The following EXOC6B variants were observed in gnomAD, a reference collection of about 807,000 sequenced individuals.
EXOC6B encodes the protein SEC15 homolog B.
A neutral mutation model predicts 113.5 loss-of-function variants in EXOC6B; 54 were observed. The observed-to-expected ratio is 0.48, with a 90% CI of 0.38 to 0.60. The LOEUF (loss-of-function observed/expected upper bound fraction) is 0.60, where lower values mean the gene tolerates loss of function less well. Ranked by LOEUF, EXOC6B falls within the 20% of genes least tolerant of loss-of-function variation. The probability of loss-of-function intolerance (pLI) is 0.00; values close to 1 mark genes in which losing one functional copy is unlikely to be tolerated. For synonymous variants in EXOC6B, 357 were observed against 339.0 expected (o/e 1.05, Z -0.58); for missense variants, 797 against 977.5 (o/e 0.82, Z 2.46).
At chr2:72,505,578 A>T (rs1221955230) in intron 11 of EXOC6B, among the ~76,000 whole-genome samples, 2 of 152,186 alleles carry the variant, frequency 1.3e-5, no homozygotes, top group African/African-American at 4.8e-5. Context: ...TCTTCCCTAT[A>T]ATAAAACTAT....
chr2:72,414,451 G>GA (rs138862283), intron 18 of EXOC6B, among the ~76,000 whole-genome samples: 2,963 of 151,182 alleles, frequency 0.02, 87 homozygotes, highest in African/African-American at 0.065. Context: ...ATCCACAACG[G>GA]AAAAAAAAAT....
intron 1 of EXOC6B, among the ~76,000 whole-genome samples, chr2:72,824,860 A>AGT (rs991753842): frequency 3.3e-5 from 5 of 152,166 alleles, no homozygotes; most frequent in African/African-American, 1.2e-4. Context: ...GAGGCAAAAC[A>AGT]GTGGTTAAGT....
intron 6 of EXOC6B, among the ~76,000 whole-genome samples, chr2:72,686,459 T>C (rs1281598615): frequency 6.6e-6 from 1 of 152,214 alleles, no homozygotes; most frequent in Admixed American, 6.5e-5. Flanking sequence ...TCTTAGAATG[T>C]ACAATTATTA....
At chr2:72,320,792 CT>C (rs1687803809) in intron 20 of EXOC6B, among the ~76,000 whole-genome samples, 1 of 152,044 alleles carries the variant, frequency 6.6e-6, no homozygotes, top group African/African-American at 2.4e-5. Flanking sequence ...AGGAAATGGC[CT>C]GTTGACCAGA....
chr2:72,243,685 A>G lies in EXOC6B; in HGVS notation c.2197-59498T>C, dbSNP rs149560322. Among the ~76,000 whole-genome samples, 1,495 of 152,320 alleles carry G rather than the reference A, an allele frequency of 9.8e-3. 26 individuals are homozygous for G. The highest frequency in any genetic ancestry group is 0.033 in the African/African-American group (1,375 of 41,552). ...TGCAGCACACCAACATGGCACATGT[A>G]TGCCTATGTAACAAACCTGCACATT... On this transcript the variant is annotated intron_variant, in intron 20 of 21. Transcript: ENST00000272427.
intron 6 of EXOC6B, among the ~76,000 whole-genome samples, chr2:72,694,056 G>A (rs1459452271): frequency 6.6e-6 from 1 of 151,796 alleles, no homozygotes; most frequent in Non-Finnish European, 1.5e-5. Flanking sequence ...TGATATAAAT[G>A]CATATTTCTT....
chr2:72,355,553 G>A (rs755499608), intron 19 of EXOC6B, among the ~76,000 whole-genome samples: 40 of 152,150 alleles, frequency 2.6e-4, no homozygotes, highest in Admixed American at 5.9e-4. Context: ...ATGATCTTAA[G>A]CAATAACAAC....
intron 5 of EXOC6B, among the ~76,000 whole-genome samples, chr2:72,722,285 C>T (rs1227267612): frequency 6.6e-6 from 1 of 151,896 alleles, no homozygotes; most frequent in Non-Finnish European, 1.5e-5. Context: ...TCCATGTTTC[C>T]CATGATATAT....
chr2:72,702,032 T>A (rs1678390312), intron 6 of EXOC6B, among the ~76,000 whole-genome samples: 1 of 151,782 alleles, frequency 6.6e-6, no homozygotes, highest in African/African-American at 2.4e-5. Context: ...TAACTCGTCA[T>A]CTAGTATTAG....
chr2:72,433,913 T>C (rs2105307612), intron 18 of EXOC6B, among the ~76,000 whole-genome samples: 1 of 152,332 alleles, frequency 6.6e-6, no homozygotes, highest in East Asian at 1.9e-4. Flanking sequence ...CCTGCCTGAT[T>C]GCCCTGGCGA....
chr2:72,320,887 A>G (rs1687809747), intron 20 of EXOC6B, among the ~76,000 whole-genome samples: 1 of 152,224 alleles, frequency 6.6e-6, no homozygotes, highest in African/African-American at 2.4e-5. Context: ...TTAAACACAA[A>G]AGAAGAGATA....
At chr2:72,386,652 T>G (rs1337185371) in intron 18 of EXOC6B, among the ~76,000 whole-genome samples, 1 of 152,186 alleles carries the variant, frequency 6.6e-6, no homozygotes, top group Non-Finnish European at 1.5e-5. Flanking sequence ...CCTTGGCAGC[T>G]TTCATGTGTT....
chr2:72,179,711 C>A (rs1677966298), intron 21 of EXOC6B, among the ~76,000 whole-genome samples: 1 of 152,088 alleles, frequency 6.6e-6, no homozygotes, highest in African/African-American at 2.4e-5. Context: ...GTCAATCTCC[C>A]TACCCCTTAT....
At position 72,728,257 on chromosome 2, in the gene EXOC6B, C is replaced by T. The variant is rs55922015; in HGVS notation, c.464+2750G>A. 4.5e-3 allele frequency among the ~76,000 whole-genome samples: 689 copies of T among 152,258 alleles called. 12 individuals are homozygous for T. Among genetic ancestry groups the T allele is most frequent in the African/African-American group, 0.016 (646 of 41,546 alleles). ...CAACAGAATTGGCATCACCTAGGAA[C>T]GTGGCAGAAAATGCAGAATCTCAGA... On this transcript the variant is annotated intron_variant, in intron 5 of 21. Coordinates refer to ENST00000272427, the MANE Select transcript of EXOC6B (RefSeq NM_015189.3).
chr2:72,663,972 T>C lies in EXOC6B; in HGVS notation c.669+54131A>G, dbSNP rs968098477. Among the ~76,000 whole-genome samples the C allele has an allele frequency of 3.9e-5, 6 of 152,084 alleles. 1 individual carries two copies. In the South Asian group the frequency reaches 6.2e-4, roughly 16 times the overall value. Reference sequence around the variant, plus strand: ...AAGGTGAAGGGGTATTTGAGAACTCTGTACTTTCCCTTCAACTTTTCTGTA... The same window carrying C: ...AAGGTGAAGGGGTATTTGAGAACTCCGTACTTTCCCTTCAACTTTTCTGTA... On this transcript the variant is annotated intron_variant, in intron 6 of 21. Transcript: ENST00000272427.
At chr2:72,550,902 C>T (rs1415780493) in intron 8 of EXOC6B, among the ~76,000 whole-genome samples, 2 of 150,964 alleles carry the variant, frequency 1.3e-5, no homozygotes, top group Non-Finnish European at 2.9e-5. Context: ...GAGATAACTG[C>T]CATTTATTTT....
intron 19 of EXOC6B, among the ~76,000 whole-genome samples, chr2:72,346,712 A>C (rs768187275): frequency 9.2e-5 from 14 of 152,194 alleles, no homozygotes; most frequent in Admixed American, 5.9e-4. Context: ...CACTGAATTA[A>C]ATCAGTAATT....
intron 6 of EXOC6B, among the ~76,000 whole-genome samples, chr2:72,602,849 G>A (rs1257722141): frequency 1.3e-5 from 2 of 152,120 alleles, no homozygotes; most frequent in Non-Finnish European, 1.5e-5. Flanking sequence ...AGTATACTTG[G>A]ATCTGAATGA....
intron 7 of EXOC6B, among the ~76,000 whole-genome samples, chr2:72,573,698 AATGTACT>A (rs531838445): frequency 3.9e-5 from 6 of 152,356 alleles, no homozygotes; most frequent in Non-Finnish European, 8.8e-5. Flanking sequence ...ATTAACTATT[AATGTACT>A]TCATTTACAT....
Sources: allele counts gnomAD v4.1 joint callset (sites outside exome capture counted in the v4.1 genomes callset), GRCh38; gene constraint gnomAD v4.1.1; transcripts MANE v1.5; gene names NCBI Gene and HGNC (gene_info 2026-07-23, HGNC 2026-07-21).